The following VWF variants were observed in gnomAD, a reference collection of about 807,000 sequenced individuals.
VWF encodes Factor VIII related antigen.
VWF carries 176 observed loss-of-function variants against 308.6 expected under a neutral mutation model. That is an observed-to-expected ratio of 0.57 (90% CI 0.50 to 0.65). The LOEUF (loss-of-function observed/expected upper bound fraction) is 0.65, where lower values mean the gene tolerates loss of function less well. VWF is among the 30% of genes least tolerant of loss of function. VWF has a pLI of 0.00. For synonymous variants in VWF, 1,385 were observed against 1,443.4 expected, an observed-to-expected ratio of 0.96 and a Z score of 0.92; for missense variants, 3,146 against 3,648.2, an observed-to-expected ratio of 0.86 and a Z score of 3.55.
chr12:5,985,424 G>A, intron 39 of VWF, 139 bp downstream of exon 39: 1 of 981,546 alleles, frequency 1.0e-6, no homozygotes, highest in Non-Finnish European at 1.5e-6. Context: ...ATGCAGGCTG[G>A]GCAAGGAAGC....
At chr12:6,119,822 G>A (rs898597240) in intron 3 of VWF, among the ~76,000 whole-genome samples, 3 of 152,084 alleles carry the variant, frequency 2.0e-5, no homozygotes, top group African/African-American at 7.2e-5. Context: ...CTCCAGCCTG[G>A]GCAACAGAGC....
rs1945429446 is a variant in VWF at position 6,121,346 on chromosome 12, G to A, written c.56-8C>T. On this transcript the variant is annotated splice_polypyrimidine_tract_variant and splice_region_variant and intron_variant, in intron 2 of 51. Transcript: ENST00000261405. ...CTTCTGCACAAAGGGTCCCTGGAGGGAGAGGCCACAGGTTGGGCTGGTGAT... is the reference window on the plus strand; with the variant it reads ...CTTCTGCACAAAGGGTCCCTGGAGGAAGAGGCCACAGGTTGGGCTGGTGAT... The A allele has an allele frequency of 2.3e-5, 37 of 1,613,734 alleles. No homozygotes were observed. Among genetic ancestry groups the A allele is most frequent in the Non-Finnish European group, 3.1e-5 (37 of 1,179,890 alleles).
Position 6,056,929 on chromosome 12 carries a change from C to T in VWF, c.1873G>A (p.Ala625Thr), listed in dbSNP as rs1944585796. The T allele has an allele frequency of 2.0e-6, 3 of 1,534,540 alleles. No individual in the cohort carries two copies. The highest frequency in any genetic ancestry group is 1.2e-5 in the South Asian group (1 of 83,744). ...CAGGCCGCGGCATAGCTGGCCAGGG[C>T]GCCGCACAGGCACTCGCGGCCGTCC... is the stretch of plus-strand genomic sequence containing the variant. ...CSDGRECLCG[A>T]LASYAAACAG... Residue 625 changes from alanine to threonine, a missense_variant, in exon 15 of 52, where the codon GCC becomes ACC. By Grantham distance (58) the Ala-to-Thr change is moderately conservative (BLOSUM62 0). Around this residue, in one of 3 missense-constraint regions of VWF, gnomAD observed 1,304 missense variants for 1,353.0 expected, o/e 0.96. Transcript: ENST00000261405.
In VWF at chr12:6,090,955, A is replaced by G. The variant is rs1945028022; in HGVS notation, c.657+4505T>C. 2.6e-5 allele frequency among the ~76,000 whole-genome samples: 4 copies of G among 152,304 alleles called. No homozygotes were observed. In the South Asian group the frequency reaches 8.3e-4, roughly 32 times the overall value. The stretch of plus-strand genomic sequence containing the variant: ...AAAGAAGAGGAAACTCCTCCCTTCC[A>G]CAAGACAGCACCCTCCCCTCACGTG... On this transcript the variant is annotated intron_variant, in intron 6 of 51. Coordinates refer to ENST00000261405, the MANE Select transcript of VWF (RefSeq NM_000552.5).
chr12:6,089,864 G>C (rs1419879237), intron 6 of VWF, among the ~76,000 whole-genome samples: 1 of 152,080 alleles, frequency 6.6e-6, no homozygotes, highest in Non-Finnish European at 1.5e-5. Context: ...TCTGCCTGGA[G>C]AACACTGAAG....
chr12:6,092,622 T>TGAGAGAGAGAGAGA (rs1403649370), intron 6 of VWF, among the ~76,000 whole-genome samples: 87 of 91,520 alleles, frequency 9.5e-4, no homozygotes, highest in South Asian at 4.8e-3. Flanking sequence ...AGTGAGAGTG[T>TGAGAGAGAGAGAGA]GTGTGTGTGT....
At chr12:6,030,311 C>G (rs11609696) in intron 21 of VWF, among the ~76,000 whole-genome samples, 38,197 of 152,200 alleles carry the variant, frequency 0.25, 5,132 homozygotes, top group African/African-American at 0.32. Context: ...CTTTGAAATG[C>G]AGTTGACACT....
intron 42 of VWF, among the ~76,000 whole-genome samples, chr12:5,979,749 A>C (rs1330724685): frequency 7.2e-6 from 1 of 139,154 alleles, no homozygotes; most frequent in Non-Finnish European, 1.6e-5. Context: ...TCAAAAAAAA[A>C]AGAAAAACGA....
Position 6,046,477 on chromosome 12 carries a change from C to G in VWF, c.2281+246G>C, listed in dbSNP as rs1204913460. Among the ~76,000 whole-genome samples the G allele has an allele frequency of 6.6e-6, 1 of 152,258 alleles. No individual in the cohort carries two copies. Among genetic ancestry groups the G allele is most frequent in the African/African-American group, 2.4e-5 (1 of 41,470 alleles). ...GGTCTCATAGAATTTATCTGCAGGTCTTTCCCCTTACACGAAATCAAATAC... is the reference window on the plus strand; with the variant it reads ...GGTCTCATAGAATTTATCTGCAGGTGTTTCCCCTTACACGAAATCAAATAC... On this transcript the variant is annotated intron_variant, in intron 17 of 51. Coordinates refer to ENST00000261405, the MANE Select transcript of VWF (RefSeq NM_000552.5). This position sits in a 1 kb window ranked among gnomAD's most constrained non-coding sequence, Gnocchi z 5.0.
In VWF at chr12:6,019,434, G is replaced by A; in HGVS notation, c.3984C>T (p.Tyr1328=). The change falls in exon 28 of 52, where the codon TAC becomes TAT. Residue 1328 remains tyrosine (Y), a synonymous_variant. Transcript: ENST00000261405. This position sits in a 1 kb window ranked among gnomAD's most constrained non-coding sequence, Gnocchi z 5.8. ...VVEYHDGSHA[Y]IGLKDRKRPS... Reference sequence around the variant, plus strand: ...GTCGCTTCCGGTCCTTGAGCCCGATGTAGGCGTGGGAGCCGTCGTGGTACT... The same window carrying A: ...GTCGCTTCCGGTCCTTGAGCCCGATATAGGCGTGGGAGCCGTCGTGGTACT... The A allele has an allele frequency of 6.2e-7, 1 of 1,613,934 alleles. No homozygotes were observed. The highest frequency in any genetic ancestry group is 8.5e-7 in the Non-Finnish European group (1 of 1,179,872).
Position 5,989,868 on chromosome 12 carries a change from T to C in VWF, c.6798+1951A>G, listed in dbSNP as rs918451977. On this transcript the variant is annotated intron_variant, in intron 38 of 51. Transcript: ENST00000261405. ...TTCTGTCTCCTTCTGAGAGCAAGCA[T>C]TTTGCCACTACTAGTAAAACCGGTC... Among the ~76,000 whole-genome samples the C allele has an allele frequency of 2.6e-4, 40 of 152,154 alleles. 1 individual carries two copies. The highest frequency in any genetic ancestry group is 4.1e-4 in the South Asian group (2 of 4,824).
intron 3 of VWF, among the ~76,000 whole-genome samples, chr12:6,119,169 A>T (rs1591929325): frequency 6.6e-6 from 1 of 151,858 alleles, no homozygotes. Context: ...AGACTCCAAG[A>T]CCCTACACTG....
intron 6 of VWF, among the ~76,000 whole-genome samples, chr12:6,083,378 A>G (rs1237715728): frequency 6.6e-6 from 1 of 152,158 alleles, no homozygotes; most frequent in African/African-American, 2.4e-5. Context: ...TGAGACCAGC[A>G]ATATGGCAAA....
chr12:5,967,463 G>A (rs201118818), intron 47 of VWF, 23 bp downstream of exon 47: 5 of 1,607,420 alleles, frequency 3.1e-6, no homozygotes, highest in Non-Finnish European at 2.6e-6. Context: ...CCATGCCCTC[G>A]GTCCCCATTG....
At chr12:6,112,630 T>C (rs544527784) in intron 3 of VWF, among the ~76,000 whole-genome samples, 37 of 152,228 alleles carry the variant, frequency 2.4e-4, no homozygotes, top group African/African-American at 8.2e-4. Flanking sequence ...GGGCTTCTTC[T>C]TGGCAAGAAG....
chr12:5,994,344 C>G, intron 36 of VWF, 71 bp downstream of exon 36: 2 of 1,601,892 alleles, frequency 1.2e-6, no homozygotes, highest in Non-Finnish European at 1.7e-6. Context: ...ATCCAAGAGC[C>G]TCAGAGTAGA....
chr12:6,123,249 G>C, intron 1 of VWF, 53 bp from the exon 2 acceptor site: 2 of 1,605,694 alleles, frequency 1.2e-6, no homozygotes, highest in Non-Finnish European at 8.5e-7. Flanking sequence ...GTAGGCGGCT[G>C]CTGGTGTGGC....
rs1250279064 is a variant in VWF, at chr12:5,967,550, T to C, written c.7823A>G (p.Gln2608Arg). The change falls in exon 47 of 52, where the codon CAG (glutamine) becomes CGG (arginine). Residue 2608 changes from glutamine to arginine, a missense_variant. Gln to Arg is a conservative substitution (Grantham distance 43). This residue lies in a region of VWF where 989 missense variants were observed against 1,117.4 expected (regional missense o/e 0.89). Transcript: ENST00000261405. ...CTTGAATCCAGAGATGACCCCCACC[T>C]GCACCATGCAGCGGCAGGTCGTGCA... ...DVCTTCRCMVQVGVISGFKLE... is the reference protein window; with the variant it reads ...DVCTTCRCMVRVGVISGFKLE... The C allele has an allele frequency of 6.8e-6, 11 of 1,614,146 alleles. No homozygotes were observed. The South Asian group carries it at 1.2e-4, about 18-fold the overall frequency.
Position 5,949,193 on chromosome 12 carries a change from G to C in VWF, c.8264C>G (p.Ala2755Gly). ...VDIHYCQGKC[A>G]SKAMYSIDIN... ...GTCAATGGAGTACATGGCTTTGCTGGCACATTTGCCCTGCAAGAAAGCAGA... is the reference window on the plus strand; with the variant it reads ...GTCAATGGAGTACATGGCTTTGCTGCCACATTTGCCCTGCAAGAAAGCAGA... The change falls in exon 52 of 52, where the codon GCC becomes GGC. Residue 2755 changes from alanine (A) to glycine (G), a missense_variant. Ala to Gly is a moderately conservative substitution (Grantham distance 60, BLOSUM62 0). This residue lies in a region of VWF where 989 missense variants were observed against 1,117.4 expected (regional missense o/e 0.89). Coordinates refer to ENST00000261405, the MANE Select transcript of VWF (RefSeq NM_000552.5). The C allele has an allele frequency of 6.2e-7, 1 of 1,614,006 alleles. No individual in the cohort carries two copies. The highest frequency in any genetic ancestry group is 8.5e-7 in the Non-Finnish European group (1 of 1,180,034).
Sources: allele counts gnomAD v4.1 joint callset (sites outside exome capture counted in the v4.1 genomes callset), GRCh38; gene constraint gnomAD v4.1.1; regional missense constraint gnomAD v4.1.1; non-coding constraint Gnocchi (gnomAD v3.1); transcripts MANE v1.5; gene names NCBI Gene and HGNC (gene_info 2026-07-23, HGNC 2026-07-21).